The following NFASC variants were observed in gnomAD, a reference collection of about 807,000 sequenced individuals.
NFASC encodes neurofascin.
A neutral mutation model predicts 147.5 loss-of-function variants in NFASC; 43 were observed. That is an observed-to-expected ratio of 0.29 (90% CI 0.23 to 0.38). NFASC has a LOEUF of 0.38. NFASC is among the 10% of genes least tolerant of loss of function. The pLI is 1.00. For synonymous variants in NFASC, 622 were observed against 665.5 expected, an observed-to-expected ratio of 0.93 and a Z score of 1.01; for missense variants, 1,320 against 1,689.0, an observed-to-expected ratio of 0.78 and a Z score of 3.83.
chr1:204,990,049 G>A, intron 23 of NFASC: 1 of 152,452 alleles, frequency 6.6e-6, no homozygotes, highest in Non-Finnish European at 1.5e-5. Context: ...AGCTTCACAA[G>A]CTGCCCACAT....
At chr1:204,927,384 A>C (rs990746358) in intron 2 of NFASC, among the ~76,000 whole-genome samples, 3 of 152,114 alleles carry the variant, frequency 2.0e-5, no homozygotes, top group Admixed American at 6.5e-5. Context: ...AGAGTTCCCC[A>C]CATCAGTAAT....
intron 1 of NFASC, among the ~76,000 whole-genome samples, chr1:204,919,879 A>G (rs949279618): frequency 2.0e-5 from 3 of 152,158 alleles, no homozygotes; most frequent in Non-Finnish European, 4.4e-5. Flanking sequence ...TTGGCCTCCC[A>G]AAGTGCTGGG....
intron 2 of NFASC, among the ~76,000 whole-genome samples, chr1:204,932,627 C>T (rs1193230306): frequency 6.6e-6 from 1 of 152,248 alleles, no homozygotes; most frequent in Non-Finnish European, 1.5e-5. Context: ...TTTGTCAATA[C>T]AGTCTTATTG....
At chr1:204,920,382 A>G (rs895400283) in intron 1 of NFASC, among the ~76,000 whole-genome samples, 1 of 151,142 alleles carries the variant, frequency 6.6e-6, no homozygotes, top group Admixed American at 6.6e-5. Context: ...GCACTAAGAA[A>G]TGATCTTACA....
At chr1:204,930,013 C>T (rs1314032942) in intron 2 of NFASC, among the ~76,000 whole-genome samples, 4 of 152,112 alleles carry the variant, frequency 2.6e-5, no homozygotes, top group African/African-American at 7.2e-5. Context: ...GGGGAAGTGG[C>T]GGACGGTGGC....
intron 2 of NFASC, among the ~76,000 whole-genome samples, chr1:204,936,166 C>T (rs1171033275): frequency 6.6e-6 from 1 of 150,756 alleles, no homozygotes; most frequent in Non-Finnish European, 1.5e-5. Flanking sequence ...ATGTGAAAAC[C>T]TAGCATTAAC....
intron 2 of NFASC, among the ~76,000 whole-genome samples, chr1:204,933,423 G>A (rs2092545392): frequency 1.3e-5 from 2 of 152,150 alleles, no homozygotes; most frequent in Admixed American, 1.3e-4. Context: ...AATGACTTGG[G>A]TGGGTACCAC....
At chr1:204,965,474 A>T (rs2150180383) in intron 8 of NFASC, among the ~76,000 whole-genome samples, 1 of 152,260 alleles carries the variant, frequency 6.6e-6, no homozygotes, top group East Asian at 1.9e-4. Context: ...TCATTCCTTA[A>T]TGATATTATG....
At chr1:204,980,712 G>A (rs1448796773) in intron 20 of NFASC, among the ~76,000 whole-genome samples, 1 of 152,226 alleles carries the variant, frequency 6.6e-6, no homozygotes. Flanking sequence ...AAAACGCATA[G>A]AGGATGCAGC....
intron 1 of NFASC, among the ~76,000 whole-genome samples, chr1:204,909,383 T>A (rs1226442184): frequency 1.3e-5 from 2 of 152,208 alleles, no homozygotes; most frequent in Non-Finnish European, 2.9e-5. Flanking sequence ...TGTGCGTATT[T>A]GTTGTCTGTA....
intron 1 of NFASC, among the ~76,000 whole-genome samples, chr1:204,892,465 G>A (rs1014716421): frequency 6.6e-6 from 1 of 152,224 alleles, no homozygotes; most frequent in Non-Finnish European, 1.5e-5. Context: ...GTCATCTGGT[G>A]GCCCCAGTAC....
At chr1:205,002,826 T>C (rs1027137921) in intron 27 of NFASC, 78 bp downstream of exon 27, 2 of 1,186,188 alleles carry the variant, frequency 1.7e-6, no homozygotes, top group Non-Finnish European at 2.2e-6. Context: ...TGCTTGCCTC[T>C]CTCCTCGGAA....
chr1:204,955,003 G>A lies in NFASC; in HGVS notation c.535+52G>A, dbSNP rs776348715. ...TTTATATCTTAACCTTAGGGGGTGG[G>A]GTGGGTGTGTTAAGTGGGGAGGGGC... is the stretch of plus-strand genomic sequence containing the variant. On this transcript the variant is annotated intron_variant, in intron 7 of 29. Transcript: ENST00000339876. The A allele has an allele frequency of 1.3e-5, 21 of 1,602,622 alleles. No individual in the cohort carries two copies. The East Asian group carries it at 2.5e-4, about 19-fold the overall frequency.
At chr1:204,983,530 T>C (rs908553057) in intron 21 of NFASC, among the ~76,000 whole-genome samples, 1 of 152,250 alleles carries the variant, frequency 6.6e-6, no homozygotes, top group East Asian at 1.9e-4. Flanking sequence ...AGCCATGGCC[T>C]TAGGTAGAAG....
rs1036026652 is a variant in NFASC, at chr1:204,988,688, C to A, written c.2649C>A (p.Thr883=). 2.5e-6 allele frequency: 4 copies of A among 1,614,186 alleles called. No individual in the cohort carries two copies. The highest frequency in any genetic ancestry group is 2.2e-5 in the East Asian group (1 of 44,886). The change falls in exon 23 of 30, where the codon ACC becomes ACA. Residue 883 remains threonine, a synonymous_variant. Coordinates refer to ENST00000339876, the MANE Select transcript of NFASC (RefSeq NM_001005388.3). ...QIVENFSPNQ[T]KFTVQRTDPV... is the part of the protein sequence containing the mutation. Reference sequence around the variant, plus strand: ...TGGAAAACTTCTCTCCCAATCAGACCAAGTTCACGGTGCAAAGAACGGACC... The same window carrying A: ...TGGAAAACTTCTCTCCCAATCAGACAAAGTTCACGGTGCAAAGAACGGACC...
chr1:204,961,994 A>G (rs2094696606), intron 8 of NFASC: 1 of 747,818 alleles, frequency 1.3e-6, no homozygotes. Context: ...GCAAAAGACC[A>G]CTGCTGCCCT....
intron 1 of NFASC, among the ~76,000 whole-genome samples, chr1:204,914,976 A>G (rs6699437): frequency 0.22 from 32,936 of 152,158 alleles, 4,021 homozygotes; most frequent in East Asian, 0.45. Context: ...ATACCATGGA[A>G]CTGTTAAAAT....
At chr1:204,911,942 A>G (rs1466137356) in intron 1 of NFASC, among the ~76,000 whole-genome samples, 1 of 152,140 alleles carries the variant, frequency 6.6e-6, no homozygotes, top group African/African-American at 2.4e-5. Flanking sequence ...ATAGCCCTGC[A>G]GGGGCTATTA....
chr1:204,943,559 G>T (rs2093508747), intron 2 of NFASC, among the ~76,000 whole-genome samples: 1 of 152,318 alleles, frequency 6.6e-6, no homozygotes, highest in Non-Finnish European at 1.5e-5. Context: ...AATACTTGCA[G>T]AAATCATTCA....
Sources: allele counts gnomAD v4.1 joint callset (sites outside exome capture counted in the v4.1 genomes callset), GRCh38; gene constraint gnomAD v4.1.1; transcripts MANE v1.5; gene names NCBI Gene and HGNC (gene_info 2026-07-23, HGNC 2026-07-21).